Variants in PRR16 observed in about 807,000 individuals in gnomAD.
PRR16 encodes the protein proline rich 16, also known as protein Largen.
In PRR16, 6 loss-of-function variants were observed where a neutral mutation model predicts 18.2. The observed-to-expected ratio is 0.33, with a 90% CI of 0.18 to 0.65. The LOEUF (loss-of-function observed/expected upper bound fraction) is 0.65. Among genes scored for constraint, PRR16 ranks in the 30% least tolerant of loss-of-function variants. The pLI is 0.74. For synonymous variants in PRR16, 151 were observed against 147.8 expected (o/e 1.02, Z -0.16); for missense variants, 412 against 376.6 (o/e 1.09, Z -0.78).
At chr5:120,690,328 G>C (rs1757193954), downstream of PRR16, among the ~76,000 whole-genome samples, 1 of 152,140 alleles carries the variant, frequency 6.6e-6, no homozygotes, top group Admixed American at 6.5e-5. Context: ...ATCAAGTCAT[G>C]AATCACTGCC....
intron 1 of PRR16, among the ~76,000 whole-genome samples, chr5:120,593,595 T>C (rs1251682601): frequency 6.6e-6 from 1 of 152,058 alleles, no homozygotes; most frequent in Admixed American, 6.6e-5. Context: ...CTGATACCAT[T>C]CCTACTGAAA....
chr5:120,550,406 G>T (rs183760487), intron 1 of PRR16, among the ~76,000 whole-genome samples: 4 of 152,078 alleles, frequency 2.6e-5, no homozygotes, highest in African/African-American at 7.2e-5. Context: ...CAGGGTGTAG[G>T]GCATTCCTGA....
intron 1 of PRR16, among the ~76,000 whole-genome samples, chr5:120,505,990 G>T (rs28702378): frequency 0.073 from 11,004 of 149,850 alleles, 939 homozygotes; most frequent in African/African-American, 0.21. Context: ...TCTACATAGA[G>T]TGCATCTAGT....
chr5:120,786,440 T>G, the PRR16 span, among the ~76,000 whole-genome samples: 1 of 151,238 alleles, frequency 6.6e-6, no homozygotes, highest in African/African-American at 2.4e-5. Flanking sequence ...TTTAACATGA[T>G]TTTGGTCTCT....
At chr5:120,613,044 A>T (rs1301730554) in intron 1 of PRR16, among the ~76,000 whole-genome samples, 1 of 152,216 alleles carries the variant, frequency 6.6e-6, no homozygotes, top group Non-Finnish European at 1.5e-5. Flanking sequence ...AGCATGAGGT[A>T]TATGTTTTAA....
chr5:120,712,188 CCTT>C, the PRR16 span, among the ~76,000 whole-genome samples: 1 of 152,114 alleles, frequency 6.6e-6, no homozygotes, highest in African/African-American at 2.4e-5. Context: ...ATATCCATCA[CCTT>C]CTATAGTTAC....
chr5:120,746,914 A>C, the PRR16 span, among the ~76,000 whole-genome samples: 1 of 152,214 alleles, frequency 6.6e-6, no homozygotes, highest in Non-Finnish European at 1.5e-5. Context: ...ACTATTGTCC[A>C]ACATAGTTAT....
chr5:120,754,206 AATTATATATT>A, the PRR16 span, among the ~76,000 whole-genome samples: 89 of 84,564 alleles, frequency 1.1e-3, 1 homozygote, highest in Non-Finnish European at 1.5e-3. Context: ...ATATATTATA[AATTATATATT>A]ATAATATATA....
At chr5:120,552,032 T>G (rs1752269857) in intron 1 of PRR16, among the ~76,000 whole-genome samples, 1 of 151,936 alleles carries the variant, frequency 6.6e-6, no homozygotes, top group Admixed American at 6.6e-5. Flanking sequence ...TTAGACATCC[T>G]CTCAGATCCC....
At position 120,632,150 on chromosome 5, in the gene PRR16, TTTACTC is replaced by T. The variant is rs574868276; in HGVS notation, c.160-53800_160-53795del. Among the ~76,000 whole-genome samples, 25 of 152,174 alleles carry T rather than the reference TTTACTC, an allele frequency of 1.6e-4. No homozygotes were observed. In the East Asian group the frequency reaches 3.7e-3, roughly 22 times the overall value. On this transcript the variant is annotated intron_variant, in intron 1 of 1. Coordinates refer to ENST00000407149, the MANE Select transcript of PRR16 (RefSeq NM_001300783.2). ...GAAGAACAAAAACAATTACTACAGT[TTTACTC>T]TTAAGAAGCCCCATTCCTAGGGGAA...
chr5:120,718,003 T>A, the PRR16 span, among the ~76,000 whole-genome samples: 1 of 152,164 alleles, frequency 6.6e-6, no homozygotes, highest in African/African-American at 2.4e-5. Context: ...TTATTGTTAA[T>A]AATACAAAAG....
the PRR16 span, among the ~76,000 whole-genome samples, chr5:120,771,880 A>T: frequency 6.6e-6 from 1 of 152,098 alleles, no homozygotes; most frequent in African/African-American, 2.4e-5. Context: ...AAATAATTAT[A>T]TTCCAGTGAT....
At chr5:120,626,940 T>C (rs532918200) in intron 1 of PRR16, among the ~76,000 whole-genome samples, 1 of 152,248 alleles carries the variant, frequency 6.6e-6, no homozygotes, top group African/African-American at 2.4e-5. Flanking sequence ...ATTTAAAATT[T>C]GTCTTTTCAA....
chr5:120,495,955 T>G (rs1411032998), intron 1 of PRR16, among the ~76,000 whole-genome samples: 3 of 152,050 alleles, frequency 2.0e-5, no homozygotes, highest in Non-Finnish European at 4.4e-5. Context: ...AGTTTTTTTT[T>G]GTAGATGCTC....
chr5:120,621,443 A>G (rs1754686790), intron 1 of PRR16, among the ~76,000 whole-genome samples: 1 of 152,048 alleles, frequency 6.6e-6, no homozygotes, highest in African/African-American at 2.4e-5. Context: ...ATCTCGTCTC[A>G]GTCTCTGATC....
intron 1 of PRR16, among the ~76,000 whole-genome samples, chr5:120,553,070 T>G: frequency 6.6e-6 from 1 of 151,660 alleles, no homozygotes; most frequent in Middle Eastern, 3.4e-3. Flanking sequence ...AAATAAAATA[T>G]AATGAAAGGT....
At chr5:120,775,718 C>A in the PRR16 span, among the ~76,000 whole-genome samples, 2 of 150,968 alleles carry the variant, frequency 1.3e-5, no homozygotes, top group African/African-American at 4.9e-5. Flanking sequence ...GCAACCTCCA[C>A]CTCTCAGGCT....
At chr5:120,754,166 A>ATT in the PRR16 span, among the ~76,000 whole-genome samples, 1 of 98,754 alleles carries the variant, frequency 1.0e-5, no homozygotes, top group Non-Finnish European at 1.9e-5. Context: ...ATGATATATA[A>ATT]ATATAAATAT....
At chr5:120,698,903 A>G in the PRR16 span, among the ~76,000 whole-genome samples, 1 of 152,170 alleles carries the variant, frequency 6.6e-6, no homozygotes, top group Non-Finnish European at 1.5e-5. Flanking sequence ...GATTTGACTA[A>G]TAAAGGCTGG....
Sources: gnomAD v4.1 joint callset for allele counts (sites outside exome capture counted in the v4.1 genomes callset) on GRCh38, gnomAD v4.1.1 for gene constraint, MANE v1.5 for transcripts, NCBI Gene and HGNC (gene_info 2026-07-23, HGNC 2026-07-21) for gene names.